Variants in TBCK observed in about 807,000 individuals in gnomAD.
TBCK encodes the protein TBC1 domain containing kinase.
TBCK carries 99 observed loss-of-function variants against 113.4 expected under a neutral mutation model. The observed-to-expected ratio is 0.87, with a 90% CI of 0.74 to 1.03. The LOEUF (loss-of-function observed/expected upper bound fraction) is 1.03, where lower values mean the gene tolerates loss of function less well. TBCK is among the 50% of genes least tolerant of loss of function. The pLI, the probability that TBCK is intolerant of heterozygous loss-of-function variation, is 0.00. For synonymous variants in TBCK, 369 were observed against 370.8 expected (o/e 1.00, Z 0.05); for missense variants, 1,045 against 1,061.3 (o/e 0.98, Z 0.21).
At chr4:106,116,820 T>C (rs1225349257) in intron 23 of TBCK, among the ~76,000 whole-genome samples, 1 of 152,136 alleles carries the variant, frequency 6.6e-6, no homozygotes, top group Non-Finnish European at 1.5e-5. Flanking sequence ...CACCTCTAGA[T>C]AGGATCATCT....
At chr4:106,050,712 G>A (rs757839518) in intron 25 of TBCK, among the ~76,000 whole-genome samples, 10 of 152,168 alleles carry the variant, frequency 6.6e-5, no homozygotes, top group Non-Finnish European at 1.2e-4. Flanking sequence ...CATGTAGAGA[G>A]AATGGGGGTC....
intron 23 of TBCK, among the ~76,000 whole-genome samples, chr4:106,164,214 G>A (rs1750111443): frequency 6.6e-6 from 1 of 151,860 alleles, no homozygotes; most frequent in Admixed American, 6.6e-5. Flanking sequence ...ATTAGATAAT[G>A]GCAGAAGAAT....
At chr4:106,110,324 A>C (rs574206818) in intron 24 of TBCK, among the ~76,000 whole-genome samples, 1 of 152,306 alleles carries the variant, frequency 6.6e-6, no homozygotes, top group African/African-American at 2.4e-5. Context: ...CCACATGAGG[A>C]ATGCTGCAAT....
intron 2 of TBCK, among the ~76,000 whole-genome samples, chr4:106,298,881 T>C (rs766691178): frequency 1.3e-5 from 2 of 152,184 alleles, no homozygotes; most frequent in Non-Finnish European, 2.9e-5. Context: ...AAGAAACACG[T>C]TCTGACTGAT....
intron 25 of TBCK, among the ~76,000 whole-genome samples, chr4:106,059,082 G>A (rs955958272): frequency 2.6e-5 from 4 of 151,748 alleles, no homozygotes; most frequent in Non-Finnish European, 4.4e-5. Flanking sequence ...GGAGGAAAGT[G>A]TAGGAACTTT....
chr4:106,240,841 T>C (rs1302058765), intron 12 of TBCK, among the ~76,000 whole-genome samples: 1 of 152,062 alleles, frequency 6.6e-6, no homozygotes, highest in Non-Finnish European at 1.5e-5. Context: ...AGACATGTGA[T>C]AAAGCATGTA....
chr4:106,289,804 A>G (rs1765499436), intron 3 of TBCK, among the ~76,000 whole-genome samples: 1 of 151,814 alleles, frequency 6.6e-6, no homozygotes, highest in East Asian at 1.9e-4. Flanking sequence ...CGATTGATGT[A>G]TTATCAGATA....
intron 23 of TBCK, among the ~76,000 whole-genome samples, chr4:106,159,856 T>A (rs539148594): frequency 1.3e-5 from 2 of 152,122 alleles, no homozygotes; most frequent in African/African-American, 4.8e-5. Context: ...GCCAGAAGAC[T>A]CAGACTTCCT....
At chr4:106,047,373 C>T (rs931471482) in intron 25 of TBCK, among the ~76,000 whole-genome samples, 10 of 152,164 alleles carry the variant, frequency 6.6e-5, no homozygotes, top group South Asian at 2.1e-4. Context: ...CCCTCAACTG[C>T]GTATCAATCC....
At chr4:106,259,889 G>A (rs1762343032) in intron 5 of TBCK, among the ~76,000 whole-genome samples, 1 of 151,794 alleles carries the variant, frequency 6.6e-6, no homozygotes, top group Non-Finnish European at 1.5e-5. Flanking sequence ...TTTGTGGAGG[G>A]CAACATACAT....
At chr4:106,065,371 T>C (rs756134212) in intron 25 of TBCK, among the ~76,000 whole-genome samples, 4 of 152,064 alleles carry the variant, frequency 2.6e-5, no homozygotes, top group Non-Finnish European at 5.9e-5. Context: ...TACAGTTTAG[T>C]AGCCAAAGAT....
At chr4:106,158,271 C>A (rs957354981) in intron 23 of TBCK, among the ~76,000 whole-genome samples, 1 of 152,008 alleles carries the variant, frequency 6.6e-6, no homozygotes, top group East Asian at 1.9e-4. Context: ...TACAACAGGC[C>A]GGGCGTGGTG....
intron 19 of TBCK, among the ~76,000 whole-genome samples, chr4:106,220,613 A>T (rs1031245953): frequency 4.8e-5 from 7 of 146,814 alleles, no homozygotes; most frequent in African/African-American, 7.4e-5. Flanking sequence ...TGCTGGATTT[A>T]AAAAAAAAAA....
At chr4:106,278,999 CTTTATTA>C (rs1350930711) in intron 3 of TBCK, among the ~76,000 whole-genome samples, 1 of 152,094 alleles carries the variant, frequency 6.6e-6, no homozygotes, top group Admixed American at 6.6e-5. Context: ...TACCCTCACA[CTTTATTA>C]TTTATTAACT....
At chr4:106,249,096 AAT>A in intron 7 of TBCK, 114 bp from the exon 8 acceptor site, 1 of 586,260 alleles carries the variant, frequency 1.7e-6, no homozygotes, top group Non-Finnish European at 2.8e-6. Context: ...TGAAACTTAA[AAT>A]ACTGAAAACT....
intron 24 of TBCK, among the ~76,000 whole-genome samples, chr4:106,109,018 T>TAC (rs112164356): frequency 0.068 from 9,609 of 140,434 alleles, 337 homozygotes; most frequent in Admixed American, 0.12. Context: ...GACACACACA[T>TAC]ACACACACAC....
chr4:106,145,521 C>CA (rs1340940953), intron 23 of TBCK, among the ~76,000 whole-genome samples: 1 of 152,022 alleles, frequency 6.6e-6, no homozygotes, highest in African/African-American at 2.4e-5. Context: ...TAAACCATGA[C>CA]AAAAAAGTGA....
At chr4:106,076,696 A>G (rs1738235875) in intron 25 of TBCK, among the ~76,000 whole-genome samples, 1 of 152,152 alleles carries the variant, frequency 6.6e-6, no homozygotes, top group African/African-American at 2.4e-5. Context: ...GCCAGAAGAG[A>G]CTGGGAGCCT....
chr4:106,118,640 G>T (rs1051486258), intron 23 of TBCK, among the ~76,000 whole-genome samples: 1 of 152,080 alleles, frequency 6.6e-6, no homozygotes, highest in Non-Finnish European at 1.5e-5. Context: ...AGAACTTTTT[G>T]ATTAGCCCAG....
Sources: allele counts gnomAD v4.1 joint callset (sites outside exome capture counted in the v4.1 genomes callset), GRCh38; gene constraint gnomAD v4.1.1; transcripts MANE v1.5; gene names NCBI Gene and HGNC (gene_info 2026-07-23, HGNC 2026-07-21).